RIMS2: variants seen among roughly 807,000 people sequenced by gnomAD.
RIMS2 encodes regulating synaptic membrane exocytosis 2, also known as regulating synaptic membrane exocytosis protein 2.
Under a neutral mutation model 174.4 loss-of-function variants are expected in RIMS2, and 59 were observed. The ratio of observed to expected loss-of-function variants is 0.34; its 90% confidence interval spans 0.27 to 0.42. The LOEUF (loss-of-function observed/expected upper bound fraction) is 0.42. Ranked by LOEUF, RIMS2 falls within the 10% of genes least tolerant of loss-of-function variation. The pLI is 1.00. For synonymous variants in RIMS2, 606 were observed against 572.5 expected, an observed-to-expected ratio of 1.06 and a Z score of -0.84; for missense variants, 1,620 against 1,666.3, an observed-to-expected ratio of 0.97 and a Z score of 0.48.
chr8:104,247,877 C>A (rs980095548), intron 20 of RIMS2, among the ~76,000 whole-genome samples: 14 of 152,248 alleles, frequency 9.2e-5, no homozygotes, highest in African/African-American at 3.4e-4. Flanking sequence ...GCATTTAAAA[C>A]CATGAGACTG....
At chr8:104,004,519 A>G (rs555376535) in intron 17 of RIMS2, among the ~76,000 whole-genome samples, 1 of 152,214 alleles carries the variant, frequency 6.6e-6, no homozygotes, top group African/African-American at 2.4e-5. Context: ...TGAGGGGGGA[A>G]AAAACAGGTT....
intron 3 of RIMS2, among the ~76,000 whole-genome samples, chr8:103,808,446 A>G (rs144395517): frequency 6.6e-6 from 1 of 152,228 alleles, no homozygotes; most frequent in East Asian, 1.9e-4. Flanking sequence ...CTTGGTTGAA[A>G]TCATTACTAA....
intron 4 of RIMS2, among the ~76,000 whole-genome samples, chr8:103,894,885 C>A (rs184207196): frequency 6.6e-6 from 1 of 151,606 alleles, no homozygotes; most frequent in South Asian, 2.1e-4. Context: ...CCCTGGATTA[C>A]AGTACAGTAT....
At chr8:104,248,208 G>A (rs1451558975) in intron 20 of RIMS2, among the ~76,000 whole-genome samples, 1 of 152,162 alleles carries the variant, frequency 6.6e-6, no homozygotes, top group Non-Finnish European at 1.5e-5. Flanking sequence ...AGAGAAATGG[G>A]GTAGTAACTG....
At chr8:103,819,358 A>C in intron 3 of RIMS2, 6 of 1,522,928 alleles carry the variant, frequency 3.9e-6, no homozygotes, top group Non-Finnish European at 5.2e-6. Context: ...TTAACTATCA[A>C]CCTCTGTTCA....
At chr8:103,726,935 C>G (rs1384327900) in intron 2 of RIMS2, among the ~76,000 whole-genome samples, 1 of 151,200 alleles carries the variant, frequency 6.6e-6, no homozygotes, top group Non-Finnish European at 1.5e-5. Flanking sequence ...GACGGGGTTT[C>G]ACCATGTTGG....
At chr8:104,122,401 A>G (rs2098387549) in intron 19 of RIMS2, among the ~76,000 whole-genome samples, 1 of 152,174 alleles carries the variant, frequency 6.6e-6, no homozygotes. Context: ...TCCCTCAAAC[A>G]TATAGGGCTG....
At chr8:103,709,377 A>C (rs1178572552) in intron 2 of RIMS2, among the ~76,000 whole-genome samples, 1 of 116,702 alleles carries the variant, frequency 8.6e-6, no homozygotes, top group Non-Finnish European at 1.7e-5. Flanking sequence ...CATGTGTGGT[A>C]TCTTAGGTTG....
At chr8:104,020,078 T>C (rs1286198722) in intron 19 of RIMS2, among the ~76,000 whole-genome samples, 17 of 152,208 alleles carry the variant, frequency 1.1e-4, no homozygotes, top group Admixed American at 5.9e-4. Flanking sequence ...ACTATAAAAA[T>C]GATTTTTCAT....
intron 3 of RIMS2, among the ~76,000 whole-genome samples, chr8:103,827,866 G>C (rs2098801475): frequency 6.6e-6 from 1 of 151,506 alleles, no homozygotes; most frequent in Admixed American, 6.6e-5. Flanking sequence ...AGGTGCAACG[G>C]TAGATAACTA....
intron 1 of RIMS2, among the ~76,000 whole-genome samples, chr8:103,519,408 T>A (rs1408337644): frequency 6.6e-6 from 1 of 152,132 alleles, no homozygotes; most frequent in South Asian, 2.1e-4. Context: ...AATCATGCCA[T>A]AGCTCAAACT....
intron 1 of RIMS2, among the ~76,000 whole-genome samples, chr8:103,682,188 A>G (rs2096888365): frequency 6.6e-6 from 1 of 152,120 alleles, no homozygotes; most frequent in Admixed American, 6.6e-5. Context: ...ACTGAAGCTC[A>G]GAGGAAAAGT....
chr8:104,066,218 T>G (rs1435982811), intron 19 of RIMS2, among the ~76,000 whole-genome samples: 2 of 152,160 alleles, frequency 1.3e-5, no homozygotes, highest in Non-Finnish European at 2.9e-5. Flanking sequence ...ATTGGGCCCT[T>G]TACAGAAAAA....
At chr8:104,067,279 A>G (rs1434121677) in intron 19 of RIMS2, among the ~76,000 whole-genome samples, 1 of 152,168 alleles carries the variant, frequency 6.6e-6, no homozygotes, top group Non-Finnish European at 1.5e-5. Flanking sequence ...ATGGATATCC[A>G]GTTGAGTTCA....
At chr8:104,010,315 C>T (rs183885994) in intron 17 of RIMS2, among the ~76,000 whole-genome samples, 12 of 152,218 alleles carry the variant, frequency 7.9e-5, no homozygotes, top group Admixed American at 2.0e-4. Flanking sequence ...TTATTTTTCC[C>T]TTAGAATGAC....
At chr8:103,720,579 T>G (rs1050840674) in intron 2 of RIMS2, among the ~76,000 whole-genome samples, 1 of 152,166 alleles carries the variant, frequency 6.6e-6, no homozygotes, top group African/African-American at 2.4e-5. Flanking sequence ...AATCACAAGT[T>G]TATATATTAC....
At chr8:104,254,608 G>A (rs2099365563), downstream of RIMS2, 1 of 152,110 alleles carries the variant, frequency 6.6e-6, no homozygotes, top group Non-Finnish European at 1.5e-5. Flanking sequence ...AAACGCCAAA[G>A]GATTTCTGCT....
At chr8:103,839,855 C>T (rs1009991974) in intron 3 of RIMS2, among the ~76,000 whole-genome samples, 5 of 152,072 alleles carry the variant, frequency 3.3e-5, no homozygotes, top group Admixed American at 6.6e-5. Flanking sequence ...GAATATGTAG[C>T]GCAAAACAAA....
chr8:103,974,784 G>C (rs939381540), intron 15 of RIMS2, among the ~76,000 whole-genome samples: 1 of 152,088 alleles, frequency 6.6e-6, no homozygotes, highest in Non-Finnish European at 1.5e-5. Flanking sequence ...CAGCTACTTG[G>C]GAGACTGAGG....
Sources: gnomAD v4.1 joint callset for allele counts (sites outside exome capture counted in the v4.1 genomes callset) on GRCh38, gnomAD v4.1.1 for gene constraint, MANE v1.5 for transcripts, NCBI Gene and HGNC (gene_info 2026-07-23, HGNC 2026-07-21) for gene names.